SOX5: variants seen among roughly 807,000 people sequenced by gnomAD.
The protein encoded by SOX5 is SRY-box transcription factor 5.
Under a neutral mutation model 92.0 loss-of-function variants are expected in SOX5, and 9 were observed. The ratio of observed to expected loss-of-function variants is 0.10; its 90% CI spans 0.06 to 0.17. The LOEUF is 0.17. Ranked by LOEUF, SOX5 falls within the 10% of genes least tolerant of loss-of-function variation. The probability of loss-of-function intolerance (pLI) is 1.00; values close to 1 mark genes in which losing one functional copy is unlikely to be tolerated. For missense variants in SOX5, 642 were observed against 944.5 expected, an observed-to-expected ratio of 0.68 and a Z score of 4.20; for synonymous variants, 344 against 336.3, an observed-to-expected ratio of 1.02 and a Z score of -0.25.
intron 4 of SOX5, among the ~76,000 whole-genome samples, chr12:24,163,352 G>A (rs1373088016): frequency 1.3e-5 from 2 of 151,992 alleles, no homozygotes; most frequent in African/African-American, 2.4e-5. Context: ...ATAAACAGTA[G>A]GCCTGATCCA....
intron 2 of SOX5, among the ~76,000 whole-genome samples, chr12:24,359,560 G>T (rs1470496876): frequency 6.6e-6 from 1 of 152,144 alleles, no homozygotes; most frequent in African/African-American, 2.4e-5. Flanking sequence ...CCATACTTTT[G>T]GGAAGAGATC....
At chr12:23,554,913 G>A (rs1944868688) in intron 11 of SOX5, among the ~76,000 whole-genome samples, 1 of 152,088 alleles carries the variant, frequency 6.6e-6, no homozygotes, top group South Asian at 2.1e-4. Flanking sequence ...TTCATTGTAA[G>A]TAAGTGTCTT....
intron 3 of SOX5, among the ~76,000 whole-genome samples, chr12:24,255,055 T>G (rs535211943): frequency 6.6e-5 from 10 of 152,262 alleles, no homozygotes; most frequent in African/African-American, 2.2e-4. Flanking sequence ...ACTGCCCTCT[T>G]TCTCTCCTGA....
At chr12:24,478,607 G>T (rs74068360) in intron 1 of SOX5, among the ~76,000 whole-genome samples, 2,615 of 152,180 alleles carry the variant, frequency 0.017, 61 homozygotes, top group African/African-American at 0.056. Context: ...CCTATGCTCC[G>T]TTTCTGTTAT....
intron 7 of SOX5, among the ~76,000 whole-genome samples, chr12:23,645,662 A>G (rs12427277): frequency 0.3 from 46,063 of 152,106 alleles, 7,383 homozygotes; most frequent in African/African-American, 0.4. Context: ...TACTTATAAT[A>G]CAGATTATTC....
intron 6 of SOX5, among the ~76,000 whole-genome samples, chr12:23,705,263 C>T (rs2091238654): frequency 6.6e-6 from 1 of 151,950 alleles, no homozygotes; most frequent in African/African-American, 2.4e-5. Context: ...TTTAATACTT[C>T]ACAGACTAAA....
In SOX5 at chr12:23,792,619, T is replaced by C. The variant is rs1350164196; in HGVS notation, c.482-36895A>G. ...GCCTGGGCAATAGAGTGAGGCTCTG[T>C]CTCAAAAAAAAAAAAAAAAAAAAAA... On this transcript the variant is annotated intron_variant, in intron 3 of 14. Transcript: ENST00000451604. Among the ~76,000 whole-genome samples, 19 of 54,836 alleles carry C rather than the reference T, an allele frequency of 3.5e-4. No homozygotes were observed. The Admixed American group carries it at 6.4e-3, about 19-fold the overall frequency. 36.0% of individuals were successfully genotyped at this position (54,836 alleles called of 152,430 possible). A position where few individuals can be genotyped will look rare whatever the true frequency, so the allele number is the denominator to read the frequency against.
chr12:23,856,761 A>C (rs976188837), intron 2 of SOX5, among the ~76,000 whole-genome samples: 2 of 152,152 alleles, frequency 1.3e-5, no homozygotes, highest in Non-Finnish European at 2.9e-5. Context: ...CAACTATAAT[A>C]AGTACTAATT....
At chr12:24,336,962 A>T (rs1951985124) in intron 2 of SOX5, among the ~76,000 whole-genome samples, 1 of 152,206 alleles carries the variant, frequency 6.6e-6, no homozygotes, top group Non-Finnish European at 1.5e-5. Flanking sequence ...AAACTACATT[A>T]TTCTTTTGTG....
intron 2 of SOX5, among the ~76,000 whole-genome samples, chr12:23,848,912 C>G (rs1490347182): frequency 1.3e-5 from 2 of 152,146 alleles, no homozygotes. Flanking sequence ...TATTTTTGAA[C>G]AAGTTTTGCT....
intron 1 of SOX5, among the ~76,000 whole-genome samples, chr12:24,446,457 CAG>C (rs1259241195): frequency 1.3e-5 from 2 of 152,096 alleles, no homozygotes; most frequent in Non-Finnish European, 2.9e-5. Context: ...TTGTAAGGAA[CAG>C]AAAAAATCAG....
chr12:24,506,450 A>G (rs1447578064), intron 1 of SOX5, among the ~76,000 whole-genome samples: 24 of 151,422 alleles, frequency 1.6e-4, no homozygotes, highest in Admixed American at 1.5e-3. Context: ...TGATTACAAG[A>G]AAAGTCTTGT....
chr12:23,560,836 C>T (rs1351492942), intron 11 of SOX5, among the ~76,000 whole-genome samples: 1 of 152,192 alleles, frequency 6.6e-6, no homozygotes, highest in African/African-American at 2.4e-5. Context: ...CAACCACAAA[C>T]TAGAGTAATA....
intron 9 of SOX5, among the ~76,000 whole-genome samples, chr12:23,581,711 T>A (rs547632651): frequency 7.2e-4 from 109 of 152,242 alleles, no homozygotes; most frequent in Admixed American, 1.5e-3. Context: ...GCTTTGGTTT[T>A]ATGTGATCAG....
At chr12:24,427,597 C>T (rs74068334) in intron 1 of SOX5, among the ~76,000 whole-genome samples, 158 of 152,286 alleles carry the variant, frequency 1.0e-3, no homozygotes, top group African/African-American at 3.6e-3. Flanking sequence ...ATCGGCTATG[C>T]ATCTGAGGAC....
intron 6 of SOX5, among the ~76,000 whole-genome samples, chr12:23,673,437 C>A (rs1248877551): frequency 6.6e-6 from 1 of 152,022 alleles, no homozygotes; most frequent in Non-Finnish European, 1.5e-5. Flanking sequence ...TCAAGATTTG[C>A]AAATACTGCT....
rs550692899 is a variant in SOX5, at chr12:23,687,527, G to T, written c.811-21963C>A. Among the ~76,000 whole-genome samples the T allele has an allele frequency of 1.7e-3, 256 of 152,008 alleles. 1 individual carries two copies. The highest frequency in any genetic ancestry group is 3.0e-3 in the Non-Finnish European group (206 of 67,936). On this transcript the variant is annotated intron_variant, in intron 6 of 14. Transcript: ENST00000451604. ...CCTACAGCACTTTCAATAAGCAAGG[G>T]ACTCACAGAATTTTAAATATATCTA...
At chr12:24,318,017 C>T (rs1406005164) in intron 2 of SOX5, among the ~76,000 whole-genome samples, 1 of 152,028 alleles carries the variant, frequency 6.6e-6, no homozygotes, top group Non-Finnish European at 1.5e-5. Flanking sequence ...TCAAGACCAG[C>T]CTGTTCAACA....
chr12:24,018,580 G>T (rs1401878867), intron 4 of SOX5, among the ~76,000 whole-genome samples: 2 of 152,156 alleles, frequency 1.3e-5, no homozygotes, highest in African/African-American at 4.8e-5. Flanking sequence ...TGGATCACCT[G>T]AGGTCAGGAG....
Sources: allele counts gnomAD v4.1 joint callset (sites outside exome capture counted in the v4.1 genomes callset), GRCh38; gene constraint gnomAD v4.1.1; transcripts MANE v1.5; gene names NCBI Gene and HGNC (gene_info 2026-07-23, HGNC 2026-07-21).